ARHGAP6: variants seen among roughly 807,000 people sequenced by gnomAD.
ARHGAP6 encodes the protein rho GTPase-activating protein 6.
A neutral mutation model predicts 55.7 loss-of-function variants in ARHGAP6; 16 were observed. The ratio of observed to expected loss-of-function variants is 0.29; its 90% CI spans 0.19 to 0.44. The LOEUF is 0.44. Ranked by LOEUF, ARHGAP6 falls within the 20% of genes least tolerant of loss-of-function variation. ARHGAP6 has a pLI of 1.00. For missense variants in ARHGAP6, 698 were observed against 808.9 expected (o/e 0.86, Z 1.66); for synonymous variants, 382 against 360.9 (o/e 1.06, Z -0.66).
chrX:11,283,503 A>T lies in ARHGAP6; in HGVS notation c.589-28796T>A, dbSNP rs184126307. On this transcript the variant is annotated intron_variant, in intron 1 of 12. Transcript: ENST00000337414. ...ATAATGCCCCCCAAAATATGTCCAC[A>T]TCCAAATCTCAAGAATATGTGAATA... 3.6e-5 allele frequency among the ~76,000 whole-genome samples: 4 copies of T among 112,509 alleles called. No homozygotes were observed. The Admixed American group carries it at 3.8e-4, about 11-fold the overall frequency.
At position 11,196,852 on chromosome X, in the gene ARHGAP6, T is replaced by G. The variant is rs985079197; in HGVS notation, c.820+73A>C. Reference sequence around the variant, plus strand: ...AGTTGAACCACGTATATCTATGCAATTCAATAACCCCACCAAATTTAACCA... The same window carrying G: ...AGTTGAACCACGTATATCTATGCAAGTCAATAACCCCACCAAATTTAACCA... On this transcript the variant is annotated intron_variant, in intron 3 of 12. Coordinates refer to ENST00000337414, the MANE Select transcript of ARHGAP6 (RefSeq NM_013427.3). 4 of 598,865 alleles carry G rather than the reference T, an allele frequency of 6.7e-6. No individual in the cohort carries two copies. The African/African-American group carries it at 8.9e-5, about 13-fold the overall frequency. The allele number at this position is 598,865 out of a possible 1,213,427, so 49.4% of individuals were successfully genotyped here.
intron 5 of ARHGAP6, among the ~76,000 whole-genome samples, chrX:11,184,412 T>C (rs992759585): frequency 8.9e-6 from 1 of 112,418 alleles, no homozygotes; most frequent in Admixed American, 9.4e-5. Context: ...CATTATTTCT[T>C]TACATCCAGA....
chrX:11,344,054 T>C (rs1293144019), intron 1 of ARHGAP6, among the ~76,000 whole-genome samples: 1 of 111,881 alleles, frequency 8.9e-6, no homozygotes, highest in Non-Finnish European at 1.9e-5. Context: ...GATGACTAAT[T>C]TGAATAATCT....
chrX:11,519,828 A>G (rs1474928152), intron 1 of ARHGAP6, among the ~76,000 whole-genome samples: 1 of 106,267 alleles, frequency 9.4e-6, no homozygotes, highest in Non-Finnish European at 1.9e-5. Context: ...CCTTACACAA[A>G]AATCAATTCA....
intron 1 of ARHGAP6, among the ~76,000 whole-genome samples, chrX:11,332,171 A>G (rs777143639): frequency 9.0e-6 from 1 of 111,472 alleles, no homozygotes; most frequent in South Asian, 3.8e-4. Context: ...TATTTTTCCC[A>G]CCATTTTCAT....
intron 1 of ARHGAP6, among the ~76,000 whole-genome samples, chrX:11,596,790 G>A (rs1246620818): frequency 2.7e-5 from 3 of 111,377 alleles, no homozygotes; most frequent in Non-Finnish European, 3.8e-5. Context: ...AGGTTTCAAA[G>A]CACATTGTCT....
At chrX:11,323,497 T>C (rs1366685089) in intron 1 of ARHGAP6, among the ~76,000 whole-genome samples, 3 of 111,927 alleles carry the variant, frequency 2.7e-5, no homozygotes, top group Non-Finnish European at 5.6e-5. Context: ...GTGAAATCAC[T>C]GATGCTTTAT....
chrX:11,537,855 T>C (rs1035664796), intron 1 of ARHGAP6, among the ~76,000 whole-genome samples: 3 of 111,621 alleles, frequency 2.7e-5, no homozygotes, highest in Non-Finnish European at 5.6e-5. Context: ...GGAAAACTCT[T>C]ATGGCACACT....
At chrX:11,568,756 C>CAAA (rs779282032) in intron 1 of ARHGAP6, among the ~76,000 whole-genome samples, 7 of 54,552 alleles carry the variant, frequency 1.3e-4, no homozygotes, top group Middle Eastern at 0.012. Context: ...GATACTATCT[C>CAAA]AAAAAAAAAA....
At chrX:11,476,292 G>A (rs1376011000) in intron 1 of ARHGAP6, among the ~76,000 whole-genome samples, 11 of 110,803 alleles carry the variant, frequency 9.9e-5, no homozygotes, top group Admixed American at 6.7e-4. Flanking sequence ...ACAATACAAC[G>A]TATAATTTAA....
intron 1 of ARHGAP6, among the ~76,000 whole-genome samples, chrX:11,482,248 G>A (rs2050464209): frequency 8.9e-6 from 1 of 111,991 alleles, no homozygotes; most frequent in South Asian, 3.7e-4. Flanking sequence ...TTGGGGAGGA[G>A]AAACTCTACT....
intron 1 of ARHGAP6, among the ~76,000 whole-genome samples, chrX:11,654,687 C>T (rs1195472340): frequency 1.8e-5 from 2 of 111,615 alleles, no homozygotes; most frequent in Non-Finnish European, 3.8e-5. Context: ...CGAATTTCCA[C>T]AGTAACCAAT....
intron 2 of ARHGAP6, among the ~76,000 whole-genome samples, chrX:11,197,404 T>C (rs2046555507): frequency 9.0e-6 from 1 of 111,654 alleles, no homozygotes; most frequent in African/African-American, 3.3e-5. Context: ...GCTAGGAGAG[T>C]ATAACTGGAT....
intron 2 of ARHGAP6, among the ~76,000 whole-genome samples, chrX:11,232,086 T>A (rs1261799427): frequency 8.9e-6 from 1 of 112,368 alleles, no homozygotes; most frequent in African/African-American, 3.2e-5. Flanking sequence ...TTTTATCAAT[T>A]TTTTGTGTTG....
chrX:11,238,978 C>T (rs1282294790), intron 2 of ARHGAP6, among the ~76,000 whole-genome samples: 1 of 111,857 alleles, frequency 8.9e-6, no homozygotes, highest in Non-Finnish European at 1.9e-5. Context: ...CAGTTAAATG[C>T]AATGTGGTAT....
At chrX:11,390,026 C>T (rs1410872261) in intron 1 of ARHGAP6, among the ~76,000 whole-genome samples, 1 of 111,718 alleles carries the variant, frequency 9.0e-6, no homozygotes, top group Non-Finnish European at 1.9e-5. Context: ...AATGGTATTG[C>T]CTAGCTTTTC....
chrX:11,558,620 G>A (rs1601643149), intron 1 of ARHGAP6, among the ~76,000 whole-genome samples: 1 of 108,698 alleles, frequency 9.2e-6, no homozygotes, highest in African/African-American at 3.3e-5. Context: ...GGCGGATCAC[G>A]AGGTCAGGAG....
chrX:11,597,736 G>A (rs1001190725), intron 1 of ARHGAP6, among the ~76,000 whole-genome samples: 1 of 111,791 alleles, frequency 8.9e-6, no homozygotes, highest in Non-Finnish European at 1.9e-5. Flanking sequence ...TCCAGGCAGA[G>A]AGAAGAGCGT....
intron 4 of ARHGAP6, among the ~76,000 whole-genome samples, chrX:11,187,784 G>A (rs1232374689): frequency 7.1e-5 from 8 of 111,996 alleles, no homozygotes; most frequent in East Asian, 2.8e-4. Context: ...GGCGGCTCAC[G>A]CCTGTGATCC....
Sources: allele counts gnomAD v4.1 joint callset (sites outside exome capture counted in the v4.1 genomes callset), GRCh38; gene constraint gnomAD v4.1.1; transcripts MANE v1.5; gene names NCBI Gene and HGNC (gene_info 2026-07-23, HGNC 2026-07-21).